The following ACOXL variants were observed in gnomAD, a reference collection of about 807,000 sequenced individuals.
ACOXL encodes the protein acyl-CoA oxidase like.
Under a neutral mutation model 71.9 loss-of-function variants are expected in ACOXL, and 70 were observed. That is an observed-to-expected ratio of 0.97 (90% CI 0.80 to 1.19). The LOEUF (loss-of-function observed/expected upper bound fraction) is 1.19, where lower values mean the gene tolerates loss of function less well. ACOXL is among the 50% of genes most tolerant of loss of function. The probability of loss-of-function intolerance (pLI) is 0.00; values close to 1 mark genes in which losing one functional copy is unlikely to be tolerated. For missense variants in ACOXL, 703 were observed against 736.3 expected (o/e 0.95, Z 0.52); for synonymous variants, 253 against 281.6 (o/e 0.90, Z 1.02).
At chr2:110,846,492 G>A (rs1691849597) in intron 10 of ACOXL, among the ~76,000 whole-genome samples, 1 of 152,184 alleles carries the variant, frequency 6.6e-6, no homozygotes, top group South Asian at 2.1e-4. Context: ...CTCTTGTGTG[G>A]CAACAGAGGA....
At chr2:110,955,638 A>T (rs2061470551) in intron 12 of ACOXL, among the ~76,000 whole-genome samples, 1 of 151,946 alleles carries the variant, frequency 6.6e-6, no homozygotes, top group Non-Finnish European at 1.5e-5. Context: ...CTGCCCCCAA[A>T]GGCTTCTCTT....
At chr2:110,914,666 GT>G (rs1297386409) in intron 11 of ACOXL, among the ~76,000 whole-genome samples, 4 of 151,788 alleles carry the variant, frequency 2.6e-5, no homozygotes, top group African/African-American at 9.7e-5. Context: ...TTTTTGTTTT[GT>G]TTTGATTTTG....
chr2:110,958,363 G>A (rs966853740), intron 12 of ACOXL, among the ~76,000 whole-genome samples: 5 of 152,180 alleles, frequency 3.3e-5, no homozygotes, highest in South Asian at 2.1e-4. Context: ...GGCCCAGCAC[G>A]CAGGCCAGTC....
At chr2:110,937,785 A>T (rs1467474123) in intron 12 of ACOXL, among the ~76,000 whole-genome samples, 2 of 152,216 alleles carry the variant, frequency 1.3e-5, no homozygotes, top group Non-Finnish European at 2.9e-5. Flanking sequence ...CTTTGAAGCC[A>T]GTAATCCTGG....
At chr2:110,877,138 C>G (rs1346864928) in intron 10 of ACOXL, among the ~76,000 whole-genome samples, 1 of 152,182 alleles carries the variant, frequency 6.6e-6, no homozygotes, top group South Asian at 2.1e-4. Flanking sequence ...CTGTTTGCTG[C>G]GAGGGACCCT....
intron 1 of ACOXL, among the ~76,000 whole-genome samples, chr2:110,759,916 A>T (rs1180720380): frequency 6.6e-6 from 1 of 152,042 alleles, no homozygotes; most frequent in Non-Finnish European, 1.5e-5. Context: ...TCTGTAAATT[A>T]AAAAAATTTA....
At chr2:110,988,389 G>A (rs2063025641) in intron 13 of ACOXL, among the ~76,000 whole-genome samples, 1 of 152,000 alleles carries the variant, frequency 6.6e-6, no homozygotes, top group Non-Finnish European at 1.5e-5. Flanking sequence ...GCAGTGAGCT[G>A]AGATCATGCC....
intron 14 of ACOXL, among the ~76,000 whole-genome samples, chr2:111,003,844 A>C (rs1466360290): frequency 6.6e-6 from 1 of 152,168 alleles, no homozygotes; most frequent in Non-Finnish European, 1.5e-5. Flanking sequence ...AAGACCACAA[A>C]GATTTTGAAA....
At chr2:111,092,025 T>C (rs1035880031) in intron 16 of ACOXL, among the ~76,000 whole-genome samples, 20 of 152,164 alleles carry the variant, frequency 1.3e-4, no homozygotes, top group African/African-American at 4.8e-4. Context: ...CTTGGTTTGG[T>C]TTTGAGGCTA....
intron 14 of ACOXL, among the ~76,000 whole-genome samples, chr2:111,030,045 T>TA (rs1178822664): frequency 3.3e-5 from 5 of 151,880 alleles, no homozygotes; most frequent in African/African-American, 9.7e-5. Context: ...CACATTGAGT[T>TA]TAAAAAAAAA....
intron 14 of ACOXL, among the ~76,000 whole-genome samples, chr2:111,009,549 C>T (rs963729650): frequency 6.6e-6 from 1 of 151,484 alleles, no homozygotes; most frequent in East Asian, 1.9e-4. Context: ...GAAAATGGAG[C>T]TTGAGACTGC....
intron 14 of ACOXL, among the ~76,000 whole-genome samples, chr2:110,999,762 G>A (rs1388127540): frequency 1.3e-5 from 2 of 152,182 alleles, no homozygotes; most frequent in Admixed American, 6.5e-5. Flanking sequence ...AGGAACTGAA[G>A]CTTCCTGCCC....
chr2:111,107,172 T>C (rs1368438767), intron 17 of ACOXL, among the ~76,000 whole-genome samples: 1 of 152,256 alleles, frequency 6.6e-6, no homozygotes, highest in Non-Finnish European at 1.5e-5. Flanking sequence ...TTGTTCAAAC[T>C]AGGCTTTTGT....
At chr2:111,007,777 G>A (rs1445616376) in intron 14 of ACOXL, among the ~76,000 whole-genome samples, 1 of 152,186 alleles carries the variant, frequency 6.6e-6, no homozygotes, top group Non-Finnish European at 1.5e-5. Flanking sequence ...AAGCTATGAA[G>A]TAAACTCACG....
At chr2:110,793,770 G>A in intron 4 of ACOXL, 34 bp downstream of exon 4, 2 of 1,553,332 alleles carry the variant, frequency 1.3e-6, no homozygotes, top group Non-Finnish European at 1.8e-6. Flanking sequence ...GTCTTCTATG[G>A]AGAGCCTTAA....
intron 12 of ACOXL, among the ~76,000 whole-genome samples, chr2:110,977,560 C>T (rs1025629922): frequency 7.2e-5 from 11 of 152,274 alleles, no homozygotes; most frequent in East Asian, 3.9e-4. Flanking sequence ...TTTACTCCCA[C>T]GAATGAACAG....
chr2:110,797,215 G>T (rs960141879), intron 5 of ACOXL, among the ~76,000 whole-genome samples: 3 of 152,186 alleles, frequency 2.0e-5, no homozygotes, highest in Non-Finnish European at 4.4e-5. Flanking sequence ...GTTTTGAGCC[G>T]AGCCTGAGAA....
At chr2:110,981,651 C>G (rs929564027) in intron 12 of ACOXL, among the ~76,000 whole-genome samples, 5 of 152,168 alleles carry the variant, frequency 3.3e-5, no homozygotes, top group African/African-American at 7.2e-5. Context: ...GAAGCTCATT[C>G]GTTCTTTAAG....
At chr2:111,115,353 G>A (rs1017317768) in intron 17 of ACOXL, among the ~76,000 whole-genome samples, 1 of 152,100 alleles carries the variant, frequency 6.6e-6, no homozygotes, top group African/African-American at 2.4e-5. Context: ...AATAATCAAT[G>A]CTATATTATC....
Sources: gnomAD v4.1 joint callset for allele counts (sites outside exome capture counted in the v4.1 genomes callset) on GRCh38, gnomAD v4.1.1 for gene constraint, MANE v1.5 for transcripts, NCBI Gene and HGNC (gene_info 2026-07-23, HGNC 2026-07-21) for gene names.